The following SBNO2 variants were observed in gnomAD, a reference collection of about 807,000 sequenced individuals.
SBNO2 encodes strawberry notch homolog 2.
SBNO2 carries 89 observed loss-of-function variants against 146.3 expected under a neutral mutation model. The ratio of observed to expected loss-of-function variants is 0.61; its 90% CI spans 0.51 to 0.73. SBNO2 has a LOEUF of 0.73. SBNO2 is among the 30% of genes least tolerant of loss of function. SBNO2 has a pLI of 0.00. For missense variants in SBNO2, 2,092 were observed against 2,003.7 expected, an observed-to-expected ratio of 1.04 and a Z score of -0.84; for synonymous variants, 1,147 against 892.6, an observed-to-expected ratio of 1.29 and a Z score of -5.08.
In SBNO2 at chr19:1,110,181, G is replaced by C. The variant is rs1220171616; in HGVS notation, c.3029-404C>G. 6.6e-6 allele frequency among the ~76,000 whole-genome samples: 1 copy of C among 152,094 alleles called. No individual in the cohort carries two copies. The highest frequency in any genetic ancestry group is 2.4e-5 in the African/African-American group (1 of 41,400). On this transcript the variant is annotated intron_variant, in intron 26 of 31. Transcript: ENST00000361757. This position sits in a 1 kb window ranked among gnomAD's most constrained non-coding sequence, Gnocchi z 4.9. ...AAGCAGGCTGTGGGGGATCGTGGGA[G>C]CCTGGTTGGCTGCGGCACTGCTCAT...
At position 1,144,371 on chromosome 19, in the gene SBNO2, C is replaced by T. The variant is rs184905216; in HGVS notation, c.279+2938G>A. Among the ~76,000 whole-genome samples the T allele has an allele frequency of 7.2e-5, 11 of 152,240 alleles. No homozygotes were observed. Among genetic ancestry groups the T allele is most frequent in the East Asian group, 5.8e-4 (3 of 5,180 alleles). On this transcript the variant is annotated intron_variant, in intron 4 of 31. Transcript: ENST00000361757. This position sits in a 1 kb window ranked among gnomAD's most constrained non-coding sequence, Gnocchi z 4.1. ...GGGTCCAAGCTGCCCCACATACGGACGCTGGAGCATGAGGCGGCTGTAGGC... is the reference window on the plus strand; with the variant it reads ...GGGTCCAAGCTGCCCCACATACGGATGCTGGAGCATGAGGCGGCTGTAGGC...
chr19:1,164,779 CA>C (rs111256916), intron 1 of SBNO2, among the ~76,000 whole-genome samples: 11 of 28,496 alleles, frequency 3.9e-4, no homozygotes, highest in African/African-American at 4.6e-4. Context: ...TCCCAGATGC[CA>C]GGGGCAGTGG....
At chr19:1,137,009 G>C (rs755984369) in intron 4 of SBNO2, among the ~76,000 whole-genome samples, 28 of 151,216 alleles carry the variant, frequency 1.9e-4, no homozygotes, top group Non-Finnish European at 2.5e-4. Flanking sequence ...GGCTGTGGGT[G>C]CCGAGAGCCC....
chr19:1,154,437 A>G (rs1048870841), intron 1 of SBNO2, 35 bp from the exon 2 acceptor site: 21 of 395,706 alleles, frequency 5.3e-5, no homozygotes, highest in African/African-American at 2.3e-4. Flanking sequence ...TGAGAGTCCA[A>G]CGGTGGTGGA....
chr19:1,146,082 C>A (rs1222061046), intron 4 of SBNO2, among the ~76,000 whole-genome samples: 1 of 152,216 alleles, frequency 6.6e-6, no homozygotes, highest in East Asian at 1.9e-4. Context: ...CCCCGGCCTC[C>A]AGCGTGGCGC....
At chr19:1,118,309 G>A (rs2079856949) in intron 14 of SBNO2, among the ~76,000 whole-genome samples, 1 of 152,000 alleles carries the variant, frequency 6.6e-6, no homozygotes, top group Admixed American at 6.5e-5. Context: ...TTGCACTCCA[G>A]CCTGGGCAAC....
chr19:1,111,471 C>T (rs764115868), intron 24 of SBNO2, 35 bp downstream of exon 24: 32 of 1,436,820 alleles, frequency 2.2e-5, no homozygotes, highest in Non-Finnish European at 3.1e-5. Context: ...GCAACCCCTG[C>T]CCCTCCCAGG....
intron 11 of SBNO2, among the ~76,000 whole-genome samples, chr19:1,121,918 T>G (rs1209208928): frequency 6.6e-6 from 1 of 151,696 alleles, no homozygotes; most frequent in Admixed American, 6.6e-5. Context: ...CTATCCGGAG[T>G]CCTAAACCCT....
In SBNO2 at chr19:1,150,593, G is replaced by A. The variant is rs1366150526; in HGVS notation, c.94-1151C>T. Among the ~76,000 whole-genome samples the A allele has an allele frequency of 6.6e-6, 1 of 152,022 alleles. No homozygotes were observed. Among genetic ancestry groups the A allele is most frequent in the Non-Finnish European group, 1.5e-5 (1 of 67,986 alleles). ...TCATGGGGGAGACACCACCAGCCGG[G>A]GGCATCATCCTGCTTATCCCAGCAG... On this transcript the variant is annotated intron_variant, in intron 2 of 31. Coordinates refer to ENST00000361757, the MANE Select transcript of SBNO2 (RefSeq NM_014963.3). The surrounding 1 kb of genome is among the most constrained non-coding windows in gnomAD (Gnocchi z 6.2).
At chr19:1,163,805 CGGCAGGAG>C (rs2080373704) in intron 1 of SBNO2, among the ~76,000 whole-genome samples, 7 of 152,194 alleles carry the variant, frequency 4.6e-5, no homozygotes, top group Admixed American at 4.6e-4. Context: ...GAGGTGGGCC[CGGCAGGAG>C]GGCAGGAGCC....
intron 4 of SBNO2, among the ~76,000 whole-genome samples, chr19:1,131,199 C>T (rs1260598215): frequency 6.6e-6 from 1 of 152,190 alleles, no homozygotes; most frequent in East Asian, 1.9e-4. Flanking sequence ...CACCACATGA[C>T]CCACCCACCC....
Position 1,109,206 on chromosome 19 carries a change from G to A in SBNO2, c.3354C>T (p.Thr1118=), listed in dbSNP as rs201860402. The change falls in exon 30 of 32, where the codon ACC becomes ACT. Residue 1118 remains threonine, a synonymous_variant. Coordinates refer to ENST00000361757, the MANE Select transcript of SBNO2 (RefSeq NM_014963.3). This position sits in a 1 kb window ranked among gnomAD's most constrained non-coding sequence, Gnocchi z 4.2. ...DSLRRKFHRV[T]AEEAKEPWES... is the part of the protein sequence containing the mutation. ...CCCAGGGCTCCTTGGCCTCCTCCGCGGTGACCTAGGGACACAGGGCCGCAT... is the reference window on the plus strand; with the variant it reads ...CCCAGGGCTCCTTGGCCTCCTCCGCAGTGACCTAGGGACACAGGGCCGCAT... 1.9e-6 allele frequency: 3 copies of A among 1,567,180 alleles called. No homozygotes were observed. The highest frequency in any genetic ancestry group is 2.7e-5 in the African/African-American group (2 of 73,740).
At position 1,113,677 on chromosome 19, in the gene SBNO2, G is replaced by C. The variant is rs761112999; in HGVS notation, c.2105C>G (p.Pro702Arg). 6 of 1,590,868 alleles carry C rather than the reference G, an allele frequency of 3.8e-6. No individual in the cohort carries two copies. The highest frequency in any genetic ancestry group is 4.3e-6 in the Non-Finnish European group (5 of 1,169,818). ...CCGCTCCAGGACCCCGGGGCCATGC[G>C]GGTCTCTCTGCAGGAGGCACAGGGG... ...RGPLCLLQRD[P>R]HGPGVLERVE... Residue 702 changes from proline to arginine, a missense_variant, in exon 19 of 32, where the codon CCG becomes CGG. Transcript: ENST00000361757.
chr19:1,124,580 C>T (rs2079943619), intron 5 of SBNO2, among the ~76,000 whole-genome samples: 1 of 152,212 alleles, frequency 6.6e-6, no homozygotes. Context: ...CAGCCCTGCA[C>T]TCTCCAAGAA....
chr19:1,112,036 G>A lies in SBNO2; in HGVS notation c.2660C>T (p.Thr887Met), dbSNP rs1347743914. 1 of 1,611,758 alleles carries A rather than the reference G, an allele frequency of 6.2e-7. No individual in the cohort carries two copies. The highest frequency in any genetic ancestry group is 8.5e-7 in the Non-Finnish European group (1 of 1,179,392). ...GALTHGDRRA[T>M]ESRDLSKYNF... ...GTACTTGCTGAGGTCACGGGACTCCGTGGCGCGGCGGTCTCCGTGGGTCAG... is the reference window on the plus strand; with the variant it reads ...GTACTTGCTGAGGTCACGGGACTCCATGGCGCGGCGGTCTCCGTGGGTCAG... The change falls in exon 23 of 32, where the codon ACG becomes ATG. Residue 887 changes from threonine (T) to methionine (M), a missense_variant. Transcript: ENST00000361757. The surrounding 1 kb of genome is among the most constrained non-coding windows in gnomAD (Gnocchi z 5.9).
rs778909029 is a variant in SBNO2 at position 1,147,431 on chromosome 19, A to ACGGGGGGGGGGG, written c.168-12_168-11insCCCCCCCCCCCG. On this transcript the variant is annotated splice_polypyrimidine_tract_variant and intron_variant, in intron 3 of 31. Transcript: ENST00000361757. The stretch of plus-strand genomic sequence containing the variant: ...GAGCTCATGAACGGGCTGGAGGGAG[A>ACGGGGGGGGGGG]TGGGGGGGGGGGAGGTGAGATGGGG... 1.8e-6 allele frequency: 1 copy of ACGGGGGGGGGGG among 544,750 alleles called. No individual in the cohort carries two copies. Among genetic ancestry groups the ACGGGGGGGGGGG allele is most frequent in the African/African-American group, 2.8e-5 (1 of 35,574 alleles). The allele number at this position is 544,750 out of a possible 1,614,324, so 33.7% of individuals were successfully genotyped here. A position where few individuals can be genotyped will look rare whatever the true frequency, so the allele number is the denominator to read the frequency against.
chr19:1,141,017 ACACCCTGGAGAAGACG>A (rs1411258911), intron 4 of SBNO2, among the ~76,000 whole-genome samples: 5 of 137,758 alleles, frequency 3.6e-5, no homozygotes, highest in East Asian at 2.5e-4. Context: ...TGGAGAAGAC[ACACCCTGGAGAAGACG>A]CACCCCGGAG....
chr19:1,130,967 G>A (rs1031016878), intron 4 of SBNO2, among the ~76,000 whole-genome samples: 8 of 152,148 alleles, frequency 5.3e-5, no homozygotes, highest in Non-Finnish European at 1.0e-4. Context: ...TGCCCTCAGC[G>A]ATTAGGGACA....
Position 1,112,814 on chromosome 19 carries a change from G to A in SBNO2, c.2379+4C>T, listed in dbSNP as rs759409553. 18 of 1,566,964 alleles carry A rather than the reference G, an allele frequency of 1.1e-5. No homozygotes were observed. Among genetic ancestry groups the A allele is most frequent in the Admixed American group, 3.7e-5 (2 of 53,588 alleles). ...GCCGCGCCCAGTGCACTGCAGCCCC[G>A]CACCTTCTCGCCGCTCATGAAGCGC... is the stretch of plus-strand genomic sequence containing the variant. On this transcript the variant is annotated splice_donor_region_variant and intron_variant, in intron 20 of 31. Coordinates refer to ENST00000361757, the MANE Select transcript of SBNO2 (RefSeq NM_014963.3). The surrounding 1 kb of genome is among the most constrained non-coding windows in gnomAD (Gnocchi z 5.9).
Sources: gnomAD v4.1 joint callset for allele counts (sites outside exome capture counted in the v4.1 genomes callset) on GRCh38, gnomAD v4.1.1 for gene constraint, Gnocchi (gnomAD v3.1) non-coding constraint, MANE v1.5 for transcripts, NCBI Gene and HGNC (gene_info 2026-07-23, HGNC 2026-07-21) for gene names.